The following ENPP3 variants were observed in gnomAD, a reference collection of about 807,000 sequenced individuals.
ENPP3 encodes the protein ectonucleotide pyrophosphatase/phosphodiesterase family member 3.
In ENPP3, 104 loss-of-function variants were observed where a neutral mutation model predicts 117.8. The ratio of observed to expected loss-of-function variants is 0.88; its 90% CI spans 0.75 to 1.04. ENPP3 has a LOEUF of 1.04. Ranked by LOEUF, ENPP3 falls within the 50% of genes least tolerant of loss-of-function variation. ENPP3 has a pLI of 0.00. For missense variants in ENPP3, 1,026 were observed against 1,051.9 expected, an observed-to-expected ratio of 0.98 and a Z score of 0.34; for synonymous variants, 380 against 349.9, an observed-to-expected ratio of 1.09 and a Z score of -0.96.
rs752362928 is a variant in ENPP3, at chr6:131,738,141, G to T, written c.2278G>T (p.Asp760Tyr). The T allele has an allele frequency of 1.2e-6, 2 of 1,610,968 alleles. No homozygotes were observed. The highest frequency in any genetic ancestry group is 1.7e-4 in the Middle Eastern group (1 of 6,040). The part of the protein sequence containing the change: ...IFDYNYDGHF[D>Y]APDEITKHLA... ...TGATTATAATTATGATGGCCATTTT[G>T]ATGCTCCAGATGAAATTACCAAGTA... The change falls in exon 23 of 25, where the codon GAT becomes TAT. Residue 760 changes from aspartate to tyrosine, a missense_variant. Transcript: ENST00000357639.
intron 15 of ENPP3, among the ~76,000 whole-genome samples, chr6:131,715,277 C>A (rs1409920463): frequency 6.7e-6 from 1 of 148,588 alleles, no homozygotes; most frequent in Non-Finnish European, 1.5e-5. Flanking sequence ...TTCCTTGAGA[C>A]TGTGGTGTAG....
chr6:131,740,615 A>G (rs1196507455), intron 24 of ENPP3, among the ~76,000 whole-genome samples: 1 of 152,196 alleles, frequency 6.6e-6, no homozygotes, highest in Non-Finnish European at 1.5e-5. Context: ...TATTTTATTT[A>G]TATACGTTTT....
chr6:131,722,494 G>T, intron 18 of ENPP3, 89 bp downstream of exon 18: 1 of 1,031,134 alleles, frequency 9.7e-7, no homozygotes, highest in Non-Finnish European at 1.5e-6. Context: ...GCAACAACCA[G>T]GTTTGTGTTC....
In ENPP3 at chr6:131,674,216, C is replaced by A. The variant is rs770817874; in HGVS notation, c.697C>A (p.Leu233Ile). 3.7e-6 allele frequency: 6 copies of A among 1,603,006 alleles called. No individual in the cohort carries two copies. The African/African-American group carries it at 4.0e-5, about 11-fold the overall frequency. Residue 233 changes from leucine (L) to isoleucine (I), a missense_variant, in exon 8 of 25, where the codon CTC becomes ATC. Transcript: ENST00000357639. ...TGACAATAATATGTATGATGTAAAT[C>A]TCAACAAGAATTTTTCACTTTCTTC... ...IIDNNMYDVN[L>I]NKNFSLSSKE...
chr6:131,643,775 A>G (rs1215052992), intron 2 of ENPP3, among the ~76,000 whole-genome samples: 14 of 152,172 alleles, frequency 9.2e-5, no homozygotes, highest in Admixed American at 2.0e-4. Flanking sequence ...CTGGAGATGA[A>G]GTGGTGAAGA....
intron 6 of ENPP3, among the ~76,000 whole-genome samples, chr6:131,670,482 ATTATTTAT>A (rs137908283): frequency 2.6e-5 from 4 of 151,780 alleles, no homozygotes; most frequent in Non-Finnish European, 4.4e-5. Flanking sequence ...TATTTTAAAA[ATTATTTAT>A]TTATTTATTT....
At position 131,733,609 on chromosome 6, in the gene ENPP3, C is replaced by T. The variant is rs145234422; in HGVS notation, c.1975C>T (p.Pro659Ser). 1.1e-5 allele frequency: 17 copies of T among 1,613,422 alleles called. No homozygotes were observed. In the African/African-American group the frequency reaches 2.3e-4, roughly 22 times the overall value. The stretch of plus-strand genomic sequence containing the variant: ...ACAGGGAGACACATCGCCTCTGCCT[C>T]CCACTGTCCCAGACTGTCTGCGGGC... Reference protein sequence around the residue: ...PQLGDTSPLPPTVPDCLRADV... With the variant: ...PQLGDTSPLPSTVPDCLRADV... The change falls in exon 21 of 25, where the codon CCC (proline) becomes TCC (serine). Residue 659 changes from proline to serine, a missense_variant. Transcript: ENST00000357639.
At chr6:131,647,404 T>TTCAGTAAAA in intron 2 of ENPP3, among the ~76,000 whole-genome samples, 1 of 152,196 alleles carries the variant, frequency 6.6e-6, no homozygotes, top group South Asian at 2.1e-4. Context: ...ATGTTTGTAA[T>TTCAGTAAAA]TATGTATAAC....
At chr6:131,672,815 A>G (rs1778774482) in intron 7 of ENPP3, among the ~76,000 whole-genome samples, 1 of 151,990 alleles carries the variant, frequency 6.6e-6, no homozygotes, top group South Asian at 2.1e-4. Context: ...TAATGACCCT[A>G]AAATCTATAG....
At chr6:131,740,030 G>A (rs2114577644) in intron 23 of ENPP3, among the ~76,000 whole-genome samples, 194 bp from the exon 24 acceptor site, 1 of 151,930 alleles carries the variant, frequency 6.6e-6, no homozygotes, top group Admixed American at 6.6e-5. Context: ...CTTTGGTGGA[G>A]TCAGATTTTG....
intron 6 of ENPP3, among the ~76,000 whole-genome samples, chr6:131,668,506 G>A (rs1296627987): frequency 6.6e-6 from 1 of 152,020 alleles, no homozygotes; most frequent in African/African-American, 2.4e-5. Flanking sequence ...TGAGCACCGT[G>A]CCCGGCCTAC....
At chr6:131,742,100 A>G (rs925164300) in intron 24 of ENPP3, among the ~76,000 whole-genome samples, 7 of 149,854 alleles carry the variant, frequency 4.7e-5, no homozygotes, top group African/African-American at 7.3e-5. Context: ...AAATTGTCTA[A>G]AGAAGGTGGC....
chr6:131,734,730 C>T (rs1311794471), intron 21 of ENPP3, among the ~76,000 whole-genome samples: 1 of 151,478 alleles, frequency 6.6e-6, no homozygotes, highest in Non-Finnish European at 1.5e-5. Context: ...AACCCTGTCC[C>T]GTCTCTACTA....
At chr6:131,645,362 T>A (rs373938166) in intron 2 of ENPP3, among the ~76,000 whole-genome samples, 2 of 152,218 alleles carry the variant, frequency 1.3e-5, no homozygotes. Context: ...ATTATTCAGC[T>A]CTCTAATTTT....
chr6:131,652,891 G>T lies in ENPP3; in HGVS notation c.464G>T (p.Gly155Val). 6.2e-7 allele frequency: 1 copy of T among 1,606,812 alleles called. No homozygotes were observed. Among genetic ancestry groups the T allele is most frequent in the Non-Finnish European group, 8.5e-7 (1 of 1,173,528 alleles). ...DTAQQSQCPEGFDLPPVILFS... is the reference protein window; with the variant it reads ...DTAQQSQCPEVFDLPPVILFS... ...GCCCAGCAGTCTCAGTGCCCAGAAG[G>T]GTGAGCATGACTGATACAGGGATTT... is the stretch of plus-strand genomic sequence containing the variant. Residue 155 changes from glycine (G) to valine (V), a missense_variant and splice_region_variant, in exon 5 of 25, where the codon GGG (glycine) becomes GTG (valine). By Grantham distance (109) the Gly-to-Val change is moderately radical (BLOSUM62 -3). Coordinates refer to ENST00000357639, the MANE Select transcript of ENPP3 (RefSeq NM_005021.5).
intron 17 of ENPP3, 73 bp from the exon 18 acceptor site, chr6:131,722,154 C>A: frequency 9.3e-7 from 1 of 1,075,932 alleles, no homozygotes; most frequent in Non-Finnish European, 1.4e-6. Context: ...GTGTTTGTTT[C>A]TTCCCATCTC....
At chr6:131,687,909 G>T (rs1393539819) in intron 14 of ENPP3, among the ~76,000 whole-genome samples, 2 of 152,042 alleles carry the variant, frequency 1.3e-5, no homozygotes, top group African/African-American at 4.8e-5. Context: ...TGAGTATGGG[G>T]GTATACAGTT....
intron 11 of ENPP3, among the ~76,000 whole-genome samples, chr6:131,679,586 C>A (rs1043970574): frequency 6.8e-6 from 1 of 146,354 alleles, no homozygotes; most frequent in Non-Finnish European, 1.5e-5. Context: ...TTGAAAAGTG[C>A]TGCAAAGGAA....
At position 131,722,251 on chromosome 6, in the gene ENPP3, C is replaced by T; in HGVS notation, c.1592C>T (p.Pro531Leu). 1 of 1,613,670 alleles carries T rather than the reference C, an allele frequency of 6.2e-7. No individual in the cohort carries two copies. The highest frequency in any genetic ancestry group is 1.3e-5 in the African/African-American group (1 of 75,014). ...MCDLLRIQPA[P>L]NNGTHGSLNH... ...GATCTTCTACGCATTCAACCAGCAC[C>T]AAACAATGGAACCCATGGTAGTTTA... Residue 531 changes from proline to leucine, a missense_variant, in exon 18 of 25, where the codon CCA becomes CTA. Physicochemically the swap from Pro to Leu is moderately conservative, Grantham distance 98. Coordinates refer to ENST00000357639, the MANE Select transcript of ENPP3 (RefSeq NM_005021.5).
Sources: allele counts gnomAD v4.1 joint callset (sites outside exome capture counted in the v4.1 genomes callset), GRCh38; gene constraint gnomAD v4.1.1; transcripts MANE v1.5; gene names NCBI Gene and HGNC (gene_info 2026-07-23, HGNC 2026-07-21).